WDR7: variants seen among roughly 807,000 people sequenced by gnomAD.
WDR7 encodes WD repeat domain 7.
Under a neutral mutation model 169.4 loss-of-function variants are expected in WDR7, and 46 were observed. That is an observed-to-expected ratio of 0.27 (90% CI 0.21 to 0.35). The LOEUF (loss-of-function observed/expected upper bound fraction) is 0.35, where lower values mean the gene tolerates loss of function less well. Among genes scored for constraint, WDR7 ranks in the 10% least tolerant of loss-of-function variants. WDR7 has a pLI of 1.00. For missense variants in WDR7, 1,534 were observed against 1,859.3 expected (o/e 0.83, Z 3.22); for synonymous variants, 612 against 666.8 (o/e 0.92, Z 1.27).
chr18:56,854,032 A>C (rs1484839837), intron 20 of WDR7, among the ~76,000 whole-genome samples: 1 of 152,164 alleles, frequency 6.6e-6, no homozygotes, highest in Non-Finnish European at 1.5e-5. Context: ...CATACATATA[A>C]TTTTCTCTTG....
intron 13 of WDR7, among the ~76,000 whole-genome samples, chr18:56,727,928 A>C (rs1319110566): frequency 6.6e-6 from 1 of 152,244 alleles, no homozygotes; most frequent in Non-Finnish European, 1.5e-5. Flanking sequence ...GATCCAGATT[A>C]GAATTATGCA....
At chr18:56,683,727 G>A (rs552221183) in intron 5 of WDR7, among the ~76,000 whole-genome samples, 5 of 152,212 alleles carry the variant, frequency 3.3e-5, no homozygotes, top group African/African-American at 7.2e-5. Context: ...AAAGGACCCC[G>A]GAGTAGTTAC....
chr18:57,025,095 C>T (rs2048348627), intron 27 of WDR7, among the ~76,000 whole-genome samples: 1 of 152,152 alleles, frequency 6.6e-6, no homozygotes, highest in Non-Finnish European at 1.5e-5. Context: ...TCATGTTTAG[C>T]TCTCAACCCA....
intron 14 of WDR7, among the ~76,000 whole-genome samples, chr18:56,746,929 C>T (rs2043713997): frequency 6.6e-6 from 1 of 152,180 alleles, no homozygotes; most frequent in Non-Finnish European, 1.5e-5. Flanking sequence ...TACCAAGTGT[C>T]CGTTGGGAGT....
rs551838554 is a variant in WDR7 at position 56,834,574 on chromosome 18, T to G, written c.3304+18430T>G. Among the ~76,000 whole-genome samples the G allele has an allele frequency of 5.3e-5, 8 of 152,214 alleles. No individual in the cohort carries two copies. In the East Asian group the frequency reaches 1.5e-3, roughly 29 times the overall value. On this transcript the variant is annotated intron_variant, in intron 20 of 27. Coordinates refer to ENST00000254442, the MANE Select transcript of WDR7 (RefSeq NM_015285.3). Reference sequence around the variant, plus strand: ...TAGACCCTTCTCTCTTCCATTTGTATGTACTATGTTTTATCAGTGATATTC... The same window carrying G: ...TAGACCCTTCTCTCTTCCATTTGTAGGTACTATGTTTTATCAGTGATATTC...
At position 56,962,548 on chromosome 18, in the gene WDR7, C is replaced by T. The variant is rs576290104; in HGVS notation, c.4164+19C>T. Reference sequence around the variant, plus strand: ...ATGTCAGGTAAATAAATCATTGTGACTTCCTCTCCATAAAGCGTGGAAGTT... The same window carrying T: ...ATGTCAGGTAAATAAATCATTGTGATTTCCTCTCCATAAAGCGTGGAAGTT... On this transcript the variant is annotated intron_variant, in intron 26 of 27. Transcript: ENST00000254442. 7.1e-5 allele frequency: 114 copies of T among 1,607,304 alleles called. 1 individual carries two copies. In the South Asian group the frequency reaches 9.4e-4, roughly 13 times the overall value.
intron 20 of WDR7, among the ~76,000 whole-genome samples, chr18:56,843,583 A>G (rs929357755): frequency 3.3e-5 from 5 of 152,216 alleles, no homozygotes; most frequent in African/African-American, 1.2e-4. Context: ...CTGTCATTCT[A>G]CAGACACTTG....
chr18:56,887,070 G>T (rs533819625), intron 21 of WDR7, among the ~76,000 whole-genome samples: 1 of 152,202 alleles, frequency 6.6e-6, no homozygotes, highest in East Asian at 1.9e-4. Flanking sequence ...TTTGAAAATT[G>T]TTACTACTAT....
At position 56,695,093 on chromosome 18, in the gene WDR7, C is replaced by T. The variant is rs1471136957; in HGVS notation, c.1252C>T (p.His418Tyr). The change falls in exon 11 of 28, where the codon CAT (histidine) becomes TAT (tyrosine). Residue 418 changes from histidine (H) to tyrosine (Y), a missense_variant. By Grantham distance (83) the His-to-Tyr change is moderately conservative (BLOSUM62 2). Transcript: ENST00000254442. ...KVTASVYIPA[H>Y]GRLVCGREDG... ...AACTGCAAGTGTGTACATACCAGCA[C>T]ATGGACGACTTGTTTGTGGTCGTGA... 1 of 1,614,078 alleles carries T rather than the reference C, an allele frequency of 6.2e-7. No homozygotes were observed. The highest frequency in any genetic ancestry group is 8.5e-7 in the Non-Finnish European group (1 of 1,180,020).
chr18:56,962,637 A>T, intron 26 of WDR7, 108 bp downstream of exon 26: 1 of 979,652 alleles, frequency 1.0e-6, no homozygotes, highest in Non-Finnish European at 1.6e-6. Flanking sequence ...AACATTATGG[A>T]TAATGCTAAA....
At chr18:56,671,110 T>C (rs1398484492) in intron 1 of WDR7, among the ~76,000 whole-genome samples, 1 of 152,196 alleles carries the variant, frequency 6.6e-6, no homozygotes, top group African/African-American at 2.4e-5. Context: ...AATCTATTAC[T>C]ATCTCAAATT....
At chr18:56,670,819 A>G (rs935832542) in intron 1 of WDR7, among the ~76,000 whole-genome samples, 1 of 152,064 alleles carries the variant, frequency 6.6e-6, no homozygotes, top group Admixed American at 6.6e-5. Context: ...CCATCGCCTC[A>G]TTTTGTCTTT....
At chr18:56,985,700 T>C (rs963224104) in intron 26 of WDR7, among the ~76,000 whole-genome samples, 11 of 152,048 alleles carry the variant, frequency 7.2e-5, no homozygotes, top group African/African-American at 1.4e-4. Context: ...AGGTTTTATA[T>C]ATTTTATTAA....
At chr18:56,962,903 C>T (rs886156211) in intron 26 of WDR7, among the ~76,000 whole-genome samples, 2 of 151,960 alleles carry the variant, frequency 1.3e-5, no homozygotes, top group South Asian at 4.2e-4. Flanking sequence ...TTTCTCTAAG[C>T]AAAATGAGGT....
chr18:56,701,618 A>G (rs1198995522), intron 12 of WDR7, among the ~76,000 whole-genome samples: 1 of 152,180 alleles, frequency 6.6e-6, no homozygotes, highest in Non-Finnish European at 1.5e-5. Context: ...TTATATTGCC[A>G]CTTCAAATAT....
Position 56,820,346 on chromosome 18 carries a change from A to AG in WDR7, c.3304+4202_3304+4203insG, listed in dbSNP as rs1491002209. 1.6e-3 allele frequency among the ~76,000 whole-genome samples: 221 copies of AG among 134,426 alleles called. 4 individuals are homozygous for AG. The highest frequency in any genetic ancestry group is 6.0e-3 in the African/African-American group (211 of 35,144). 88.2% of individuals were successfully genotyped at this position (134,426 alleles called of 152,430 possible). On this transcript the variant is annotated intron_variant, in intron 20 of 27. Transcript: ENST00000254442. Reference sequence around the variant, plus strand: ...AAGAGTCACTGACATTGTCAAAAAAAAAAAAAAAAAAAAAAAAACCACCTT... The same window carrying AG: ...AAGAGTCACTGACATTGTCAAAAAAAGAAAAAAAAAAAAAAAAAACCACCTT...
intron 21 of WDR7, among the ~76,000 whole-genome samples, chr18:56,884,553 G>A (rs1025422969): frequency 3.3e-5 from 5 of 151,970 alleles, no homozygotes; most frequent in African/African-American, 1.2e-4. Flanking sequence ...TTGCTTTTGG[G>A]TTCTTGGTCA....
chr18:56,793,629 A>G (rs1056140232), intron 19 of WDR7, among the ~76,000 whole-genome samples: 1 of 152,246 alleles, frequency 6.6e-6, no homozygotes, highest in African/African-American at 2.4e-5. Flanking sequence ...AATTCTGCAC[A>G]TACTTGCTTT....
chr18:56,939,134 TAAGAG>T (rs2047000487), intron 24 of WDR7, among the ~76,000 whole-genome samples, 172 bp from the exon 25 acceptor site: 1 of 152,192 alleles, frequency 6.6e-6, no homozygotes, highest in Admixed American at 6.5e-5. Flanking sequence ...TTTTCACAGA[TAAGAG>T]AAAGGATAGA....
Sources: gnomAD v4.1 joint callset for allele counts (sites outside exome capture counted in the v4.1 genomes callset) on GRCh38, gnomAD v4.1.1 for gene constraint, MANE v1.5 for transcripts, NCBI Gene and HGNC (gene_info 2026-07-23, HGNC 2026-07-21) for gene names.